The following PTPRD variants were observed in gnomAD, a reference collection of about 807,000 sequenced individuals.
PTPRD encodes receptor-type tyrosine-protein phosphatase delta.
In PTPRD, 34 loss-of-function variants were observed where a neutral mutation model predicts 214.5. The ratio of observed to expected loss-of-function variants is 0.16; its 90% CI spans 0.12 to 0.21. The LOEUF is 0.21. PTPRD is among the 10% of genes least tolerant of loss of function. PTPRD has a pLI of 1.00. For missense variants in PTPRD, 2,545 were observed against 2,398.7 expected, an observed-to-expected ratio of 1.06 and a Z score of -1.27; for synonymous variants, 1,128 against 845.7, an observed-to-expected ratio of 1.33 and a Z score of -5.79.
At chr9:10,170,567 G>C (rs55871151) in intron 3 of PTPRD, among the ~76,000 whole-genome samples, 8,206 of 152,006 alleles carry the variant, frequency 0.054, 319 homozygotes, top group Admixed American at 0.1. Context: ...GGCGCCTGTA[G>C]TCCCAGCTAC....
At chr9:8,954,033 C>G (rs757729735) in intron 11 of PTPRD, among the ~76,000 whole-genome samples, 1 of 151,928 alleles carries the variant, frequency 6.6e-6, no homozygotes, top group Non-Finnish European at 1.5e-5. Context: ...ACCAAAAGGA[C>G]ACATGCACTC....
intron 36 of PTPRD, among the ~76,000 whole-genome samples, chr9:8,402,237 TG>T (rs2130320713): frequency 6.6e-6 from 1 of 152,322 alleles, no homozygotes; most frequent in East Asian, 1.9e-4. Context: ...AGGGTGTATT[TG>T]TGAACACAGC....
intron 3 of PTPRD, among the ~76,000 whole-genome samples, chr9:10,330,278 C>T (rs905801070): frequency 6.6e-6 from 1 of 151,708 alleles, no homozygotes; most frequent in Non-Finnish European, 1.5e-5. Flanking sequence ...TACAGAGGAA[C>T]CATGTCTGCT....
chr9:8,726,919 G>A (rs544486128), intron 12 of PTPRD, among the ~76,000 whole-genome samples: 8 of 151,532 alleles, frequency 5.3e-5, no homozygotes, highest in South Asian at 2.1e-4. Flanking sequence ...TGCAGTGAGC[G>A]GAGACTGTGC....
intron 14 of PTPRD, among the ~76,000 whole-genome samples, chr9:8,530,778 G>C (rs2075488349): frequency 6.6e-6 from 1 of 152,136 alleles, no homozygotes; most frequent in African/African-American, 2.4e-5. Context: ...GCGAAAGAAT[G>C]TAAGATGCTA....
At chr9:8,905,429 G>A (rs2098700672) in intron 11 of PTPRD, among the ~76,000 whole-genome samples, 2 of 151,870 alleles carry the variant, frequency 1.3e-5, no homozygotes. Flanking sequence ...AGGACTATAA[G>A]CACACATCAG....
At chr9:10,125,412 T>G (rs980862974) in intron 3 of PTPRD, among the ~76,000 whole-genome samples, 2 of 143,536 alleles carry the variant, frequency 1.4e-5, no homozygotes, top group African/African-American at 5.1e-5. Context: ...TTTTTATTTA[T>G]TTTGTTTTAT....
intron 10 of PTPRD, among the ~76,000 whole-genome samples, chr9:9,117,269 T>G (rs2099813322): frequency 6.6e-6 from 1 of 151,474 alleles, no homozygotes; most frequent in African/African-American, 2.4e-5. Flanking sequence ...TATACCCAAG[T>G]AATTAATTCG....
intron 8 of PTPRD, among the ~76,000 whole-genome samples, chr9:9,506,819 A>G (rs2096581789): frequency 6.6e-6 from 1 of 151,338 alleles, no homozygotes; most frequent in Non-Finnish European, 1.5e-5. Flanking sequence ...GAGTCCTCTG[A>G]ATGAAAAGGC....
chr9:9,980,590 C>T (rs2095505889), intron 4 of PTPRD, among the ~76,000 whole-genome samples: 1 of 105,488 alleles, frequency 9.5e-6, no homozygotes, highest in Non-Finnish European at 1.7e-5. Context: ...GCTTGGGTAA[C>T]AGAGTGAGAC....
intron 2 of PTPRD, among the ~76,000 whole-genome samples, chr9:10,467,375 A>G (rs543404379): frequency 3.9e-5 from 6 of 152,210 alleles, no homozygotes; most frequent in Non-Finnish European, 8.8e-5. Context: ...TCATATTATT[A>G]CGAATATGAT....
intron 3 of PTPRD, among the ~76,000 whole-genome samples, chr9:10,164,210 G>A (rs1476332751): frequency 1.3e-5 from 2 of 151,372 alleles, no homozygotes. Context: ...AATATCTTCA[G>A]GTTTTCATTT....
chr9:9,990,237 T>C (rs1237335367), intron 4 of PTPRD, among the ~76,000 whole-genome samples: 1 of 152,200 alleles, frequency 6.6e-6, no homozygotes, highest in Non-Finnish European at 1.5e-5. Context: ...GGTTTTCCTA[T>C]GGTATCTTTC....
intron 9 of PTPRD, among the ~76,000 whole-genome samples, chr9:9,253,023 T>A (rs1464307691): frequency 6.6e-6 from 1 of 152,116 alleles, no homozygotes; most frequent in Non-Finnish European, 1.5e-5. Context: ...AAAACTAGAT[T>A]TTTGTTTAAT....
chr9:10,127,719 C>T (rs1254824003), intron 3 of PTPRD, among the ~76,000 whole-genome samples: 4 of 152,106 alleles, frequency 2.6e-5, no homozygotes, highest in African/African-American at 7.2e-5. Context: ...CTTCCATTTT[C>T]CCACTTGTGC....
chr9:10,463,885 A>G (rs2098975697), intron 2 of PTPRD, among the ~76,000 whole-genome samples: 1 of 152,194 alleles, frequency 6.6e-6, no homozygotes, highest in African/African-American at 2.4e-5. Context: ...ATTTACCATC[A>G]AAATACCCCT....
intron 10 of PTPRD, among the ~76,000 whole-genome samples, chr9:9,025,391 C>G (rs1161845069): frequency 6.6e-6 from 1 of 151,958 alleles, no homozygotes; most frequent in East Asian, 1.9e-4. Flanking sequence ...TCTTTGAGCT[C>G]AGTAGCAAAA....
intron 8 of PTPRD, among the ~76,000 whole-genome samples, chr9:9,398,290 G>C (rs919696917): frequency 6.6e-6 from 1 of 151,876 alleles, no homozygotes. Flanking sequence ...TATTTTATAT[G>C]TTTATTACAG....
At chr9:8,533,067 A>C (rs1229119345) in intron 14 of PTPRD, among the ~76,000 whole-genome samples, 1 of 152,106 alleles carries the variant, frequency 6.6e-6, no homozygotes, top group Non-Finnish European at 1.5e-5. Flanking sequence ...TGAATGATCA[A>C]GTAACAGGTT....
Sources: gnomAD v4.1 joint callset for allele counts (sites outside exome capture counted in the v4.1 genomes callset) on GRCh38, gnomAD v4.1.1 for gene constraint, MANE v1.5 for transcripts, NCBI Gene and HGNC (gene_info 2026-07-23, HGNC 2026-07-21) for gene names.